The following CPEB4 variants were observed in gnomAD, a reference collection of about 807,000 sequenced individuals.
CPEB4 encodes the protein cytoplasmic polyadenylation element-binding protein 4.
Under a neutral mutation model 72.5 loss-of-function variants are expected in CPEB4, and 12 were observed. The observed-to-expected ratio is 0.17, with a 90% CI of 0.11 to 0.27. CPEB4 has a LOEUF of 0.27. Among genes scored for constraint, CPEB4 ranks in the 10% least tolerant of loss-of-function variants. The probability of loss-of-function intolerance (pLI) is 1.00; values close to 1 mark genes in which losing one functional copy is unlikely to be tolerated. For missense variants in CPEB4, 614 were observed against 908.5 expected (o/e 0.68, Z 4.17); for synonymous variants, 302 against 326.3 (o/e 0.93, Z 0.80).
intron 1 of CPEB4, among the ~76,000 whole-genome samples, chr5:173,894,510 A>C (rs1755931369): frequency 6.7e-6 from 1 of 150,236 alleles, no homozygotes; most frequent in Non-Finnish European, 1.5e-5. Context: ...AATCCCAGCT[A>C]CTCCAGAGGC....
At chr5:173,907,478 G>T (rs1204161263) in intron 1 of CPEB4, among the ~76,000 whole-genome samples, 4 of 152,122 alleles carry the variant, frequency 2.6e-5, no homozygotes, top group African/African-American at 9.7e-5. Context: ...AATTCATAAG[G>T]TTGCTTACTC....
chr5:173,920,632 C>G (rs762174897), intron 2 of CPEB4, among the ~76,000 whole-genome samples: 2 of 152,178 alleles, frequency 1.3e-5, no homozygotes, highest in Non-Finnish European at 2.9e-5. Context: ...TCACTTCTCT[C>G]TAGACCTCAA....
chr5:173,940,252 G>T (rs1017540177), intron 3 of CPEB4, among the ~76,000 whole-genome samples: 7 of 152,172 alleles, frequency 4.6e-5, no homozygotes, highest in Non-Finnish European at 7.3e-5. Flanking sequence ...CTACTTTTTG[G>T]TAACTGAAGG....
At chr5:173,924,376 T>C (rs1757171894) in intron 2 of CPEB4, among the ~76,000 whole-genome samples, 1 of 152,216 alleles carries the variant, frequency 6.6e-6, no homozygotes, top group African/African-American at 2.4e-5. Context: ...AGAAGACTTA[T>C]ATCCCTGTTT....
chr5:173,949,321 G>C (rs1339384069), intron 5 of CPEB4, among the ~76,000 whole-genome samples, 187 bp from the exon 6 acceptor site: 2 of 152,084 alleles, frequency 1.3e-5, no homozygotes, highest in African/African-American at 4.8e-5. Context: ...GGGAGAAAGA[G>C]GAAGAGAGAA....
chr5:173,923,143 A>G (rs533365559), intron 2 of CPEB4, among the ~76,000 whole-genome samples: 83 of 152,352 alleles, frequency 5.4e-4, no homozygotes, highest in Non-Finnish European at 1.1e-3. Flanking sequence ...GTCAGAATTC[A>G]TGTTAAGTAA....
chr5:173,923,585 T>C (rs1015149965), intron 2 of CPEB4, among the ~76,000 whole-genome samples: 2 of 152,166 alleles, frequency 1.3e-5, no homozygotes, highest in Non-Finnish European at 2.9e-5. Flanking sequence ...TAAGCAAACT[T>C]TTTGCAAGGT....
chr5:173,892,262 CT>C (rs1436073283), intron 1 of CPEB4, among the ~76,000 whole-genome samples: 1 of 117,644 alleles, frequency 8.5e-6, no homozygotes, highest in East Asian at 2.2e-4. Context: ...TAGTTTTCGA[CT>C]TCTAAAAACG....
chr5:173,941,623 G>A (rs763669475), intron 3 of CPEB4, among the ~76,000 whole-genome samples: 6 of 151,586 alleles, frequency 4.0e-5, no homozygotes, highest in African/African-American at 4.8e-5. Context: ...CTGTAACCCT[G>A]GGACTTTGGG....
intron 2 of CPEB4, among the ~76,000 whole-genome samples, chr5:173,917,630 G>A (rs1756919187): frequency 6.6e-6 from 1 of 152,216 alleles, no homozygotes; most frequent in Admixed American, 6.5e-5. Context: ...GGAGGCTGAG[G>A]CAGGAGAACC....
In CPEB4 at chr5:173,961,903, G is replaced by C. The variant is rs891697161; in HGVS notation, c.*5766G>C. 1 of 151,272 alleles carries C rather than the reference G, an allele frequency of 6.6e-6. No homozygotes were observed. Among genetic ancestry groups the C allele is most frequent in the African/African-American group, 2.4e-5 (1 of 41,266 alleles). The allele number at this position is 151,272 out of a possible 1,614,324, so 9.4% of individuals were successfully genotyped here. On this transcript the variant is annotated 3_prime_UTR_variant, in exon 10 of 10. Coordinates refer to ENST00000265085, the MANE Select transcript of CPEB4 (RefSeq NM_030627.4). ...ACAAAACTCTAATATTTCAGACTGT[G>C]ATCTTCAGAGGACTAGGATAGTCCT... is the stretch of plus-strand genomic sequence containing the variant.
chr5:173,927,502 G>T (rs1358405046), intron 2 of CPEB4, among the ~76,000 whole-genome samples: 2 of 152,220 alleles, frequency 1.3e-5, no homozygotes, highest in Non-Finnish European at 2.9e-5. Flanking sequence ...TTCCAGCCAG[G>T]CGCAGTGGCT....
intron 4 of CPEB4, among the ~76,000 whole-genome samples, chr5:173,943,494 G>A (rs1244369690): frequency 6.6e-6 from 1 of 152,038 alleles, no homozygotes; most frequent in African/African-American, 2.4e-5. Flanking sequence ...AATACATGTG[G>A]TTTAAAATGA....
At chr5:173,946,438 T>G (rs1284224769) in intron 5 of CPEB4, among the ~76,000 whole-genome samples, 1 of 152,176 alleles carries the variant, frequency 6.6e-6, no homozygotes, top group Non-Finnish European at 1.5e-5. Flanking sequence ...GGAGATAACT[T>G]GGACAATTCA....
chr5:173,902,785 A>G (rs1215452238), intron 1 of CPEB4, among the ~76,000 whole-genome samples: 1 of 152,210 alleles, frequency 6.6e-6, no homozygotes, highest in Non-Finnish European at 1.5e-5. Context: ...TAGATGTTTA[A>G]CAAACAGCAG....
At chr5:173,897,178 G>A (rs1756047229) in intron 1 of CPEB4, among the ~76,000 whole-genome samples, 1 of 152,182 alleles carries the variant, frequency 6.6e-6, no homozygotes, top group East Asian at 1.9e-4. Flanking sequence ...TTTTCTCGAA[G>A]AGAAGTTTTC....
chr5:173,929,338 C>G (rs987030055), intron 2 of CPEB4, among the ~76,000 whole-genome samples: 11 of 152,160 alleles, frequency 7.2e-5, no homozygotes, highest in African/African-American at 2.7e-4. Flanking sequence ...AGTGGAACTT[C>G]ATTTGTGAAA....
intron 3 of CPEB4, among the ~76,000 whole-genome samples, chr5:173,936,939 C>CTCATATATGTAT (rs1757644706): frequency 6.7e-6 from 1 of 149,984 alleles, no homozygotes; most frequent in Non-Finnish European, 1.5e-5. Context: ...GTTTTAACAA[C>CTCATATATGTAT]TCATATATGT....
chr5:173,924,140 G>A (rs539563202), intron 2 of CPEB4, among the ~76,000 whole-genome samples: 12 of 152,176 alleles, frequency 7.9e-5, no homozygotes, highest in African/African-American at 2.6e-4. Flanking sequence ...TTACAGATAA[G>A]TGTTATTTTC....
Sources: gnomAD v4.1 joint callset for allele counts (sites outside exome capture counted in the v4.1 genomes callset) on GRCh38, gnomAD v4.1.1 for gene constraint, MANE v1.5 for transcripts, NCBI Gene and HGNC (gene_info 2026-07-23, HGNC 2026-07-21) for gene names.